The following SLC9C1 variants were observed in gnomAD, a reference collection of about 807,000 sequenced individuals.
The protein encoded by SLC9C1 is solute carrier family 9 member C1.
Under a neutral mutation model 140.9 loss-of-function variants are expected in SLC9C1, and 97 were observed. The observed-to-expected ratio is 0.69, with a 90% CI of 0.58 to 0.82. The LOEUF (loss-of-function observed/expected upper bound fraction) is 0.82, where lower values mean the gene tolerates loss of function less well. Ranked by LOEUF, SLC9C1 falls within the 40% of genes least tolerant of loss-of-function variation. SLC9C1 has a pLI of 0.00. For synonymous variants in SLC9C1, 440 were observed against 442.6 expected (o/e 0.99, Z 0.07); for missense variants, 1,340 against 1,389.3 (o/e 0.96, Z 0.56).
At position 112,235,526 on chromosome 3, in the gene SLC9C1, T is replaced by C. The variant is rs572014943; in HGVS notation, c.1447-4040A>G. 5.1e-4 allele frequency among the ~76,000 whole-genome samples: 77 copies of C among 150,630 alleles called. 1 individual carries two copies. Among genetic ancestry groups the C allele is most frequent in the Non-Finnish European group, 9.3e-4 (63 of 67,458 alleles). On this transcript the variant is annotated intron_variant, in intron 12 of 28. Transcript: ENST00000305815. ...CCAACACTATGTTGAATAGGAGTGG[T>C]GAGAGAGGGCATCTCTGTCTTGTGC...
chr3:112,202,798 C>T (rs537133075), intron 17 of SLC9C1, among the ~76,000 whole-genome samples: 11 of 152,028 alleles, frequency 7.2e-5, no homozygotes, highest in Admixed American at 7.2e-4. Flanking sequence ...ATGGTCTGGT[C>T]AGGTGAGAAA....
At chr3:112,164,878 G>T (rs1298912396) in intron 26 of SLC9C1, among the ~76,000 whole-genome samples, 1 of 152,144 alleles carries the variant, frequency 6.6e-6, no homozygotes, top group Non-Finnish European at 1.5e-5. Flanking sequence ...TTCCAGCTTG[G>T]TTCCATTCTC....
At chr3:112,276,654 T>C (rs2080222735) in intron 5 of SLC9C1, among the ~76,000 whole-genome samples, 1 of 151,756 alleles carries the variant, frequency 6.6e-6, no homozygotes. Flanking sequence ...GAATACTAGA[T>C]TACAAAATAA....
At chr3:112,160,977 T>C (rs1022463200) in intron 26 of SLC9C1, among the ~76,000 whole-genome samples, 10 of 152,218 alleles carry the variant, frequency 6.6e-5, no homozygotes, top group Non-Finnish European at 1.3e-4. Flanking sequence ...TGGTGTGAGA[T>C]GGTATCTCAT....
At chr3:112,233,660 GTGA>G (rs2078898157) in intron 12 of SLC9C1, among the ~76,000 whole-genome samples, 6 of 140,132 alleles carry the variant, frequency 4.3e-5, no homozygotes, top group Admixed American at 4.2e-4. Context: ...TCCCCAGTGT[GTGA>G]TGTTACCCTT....
chr3:112,166,347 G>A (rs534374397), intron 26 of SLC9C1, among the ~76,000 whole-genome samples: 6 of 152,278 alleles, frequency 3.9e-5, no homozygotes, highest in Admixed American at 6.5e-5. Context: ...GAAATCACCC[G>A]TCTTCTGCGT....
intron 11 of SLC9C1, among the ~76,000 whole-genome samples, chr3:112,242,834 A>T (rs558890959): frequency 1.3e-5 from 2 of 152,194 alleles, no homozygotes; most frequent in South Asian, 4.2e-4. Flanking sequence ...ATTAAAACGA[A>T]AAAAAAGTCT....
chr3:112,275,724 A>G (rs1395383044), intron 5 of SLC9C1, among the ~76,000 whole-genome samples: 1 of 152,194 alleles, frequency 6.6e-6, no homozygotes, highest in Non-Finnish European at 1.5e-5. Flanking sequence ...TATAACTGCA[A>G]TCACAACCTA....
rs372137369 is a variant in SLC9C1 at position 112,182,172 on chromosome 3, C to T, written c.2610G>A (p.Pro870=). The T allele has an allele frequency of 3.5e-5, 55 of 1,587,384 alleles. No individual in the cohort carries two copies. The highest frequency in any genetic ancestry group is 2.4e-4 in the Admixed American group (14 of 57,514). The stretch of plus-strand genomic sequence containing the variant: ...TATAATCTTTGTTTTTATCTAGCCA[C>T]GGAATATGATATAGAACTTCTTCAA... ...LTVEEVLYHI[P]WLDKNKDYIN... The change falls in exon 21 of 29, where the codon CCG becomes CCA. Residue 870 remains proline (P), a synonymous_variant. Coordinates refer to ENST00000305815, the MANE Select transcript of SLC9C1 (RefSeq NM_183061.3).
intron 1 of SLC9C1, among the ~76,000 whole-genome samples, chr3:112,287,816 G>A (rs1266577507): frequency 8.5e-5 from 13 of 152,118 alleles, no homozygotes; most frequent in Non-Finnish European, 8.8e-5. Flanking sequence ...GGGAGGCCGA[G>A]GCGGGTGGGT....
At chr3:112,209,875 A>T (rs1202577394) in intron 15 of SLC9C1, among the ~76,000 whole-genome samples, 3 of 152,204 alleles carry the variant, frequency 2.0e-5, no homozygotes, top group Non-Finnish European at 4.4e-5. Flanking sequence ...ATGGTTTGGA[A>T]GGCTTAATAT....
intron 23 of SLC9C1, among the ~76,000 whole-genome samples, chr3:112,175,091 G>C (rs2077311197): frequency 6.6e-6 from 1 of 152,178 alleles, no homozygotes; most frequent in African/African-American, 2.4e-5. Context: ...AACTGCTACT[G>C]GCTCAATAGC....
intron 10 of SLC9C1, among the ~76,000 whole-genome samples, chr3:112,258,178 A>T (rs541001633): frequency 6.6e-6 from 1 of 152,192 alleles, no homozygotes; most frequent in Non-Finnish European, 1.5e-5. Flanking sequence ...TGACCCAGCA[A>T]TCCCATTCCT....
At chr3:112,141,630 A>T (rs183488036) in intron 28 of SLC9C1, among the ~76,000 whole-genome samples, 6 of 152,318 alleles carry the variant, frequency 3.9e-5, no homozygotes, top group Admixed American at 2.6e-4. Flanking sequence ...CTGACTATAA[A>T]AACCCCCTTC....
intron 26 of SLC9C1, among the ~76,000 whole-genome samples, chr3:112,155,263 AG>A (rs2075097549): frequency 6.6e-6 from 1 of 152,206 alleles, no homozygotes; most frequent in Admixed American, 6.5e-5. Context: ...ATGTGCAAAA[AG>A]TTTGGAAAGT....
intron 15 of SLC9C1, among the ~76,000 whole-genome samples, chr3:112,214,827 G>T (rs1168566790): frequency 1.3e-5 from 2 of 152,152 alleles, no homozygotes; most frequent in Non-Finnish European, 2.9e-5. Flanking sequence ...TCAATCAATA[G>T]AAAAAGAGGG....
chr3:112,217,636 T>G, intron 14 of SLC9C1, 75 bp from the exon 15 acceptor site: 2 of 1,373,716 alleles, frequency 1.5e-6, no homozygotes. Flanking sequence ...GGAAGTTTAA[T>G]GTTGTACATA....
At chr3:112,288,015 C>G (rs6768494) in intron 1 of SLC9C1, among the ~76,000 whole-genome samples, 84,790 of 139,098 alleles carry the variant, frequency 0.61, 25,810 homozygotes, top group East Asian at 0.8. Context: ...TGCACTCCAG[C>G]TTGGGCCACA....
intron 16 of SLC9C1, among the ~76,000 whole-genome samples, chr3:112,206,536 A>G (rs1255490910): frequency 6.6e-6 from 1 of 152,224 alleles, no homozygotes; most frequent in Non-Finnish European, 1.5e-5. Flanking sequence ...ATAAAGACAC[A>G]TGCACACATA....
Sources: gnomAD v4.1 joint callset for allele counts (sites outside exome capture counted in the v4.1 genomes callset) on GRCh38, gnomAD v4.1.1 for gene constraint, MANE v1.5 for transcripts, NCBI Gene and HGNC (gene_info 2026-07-23, HGNC 2026-07-21) for gene names.